MTMR10: variants seen among roughly 807,000 people sequenced by gnomAD.
MTMR10 encodes the protein myotubularin related protein 10.
MTMR10 carries 56 observed loss-of-function variants against 88.1 expected under a neutral mutation model. That is an observed-to-expected ratio of 0.64 (90% CI 0.51 to 0.79). The LOEUF is 0.79. Among genes scored for constraint, MTMR10 ranks in the 30% least tolerant of loss-of-function variants. MTMR10 has a pLI of 0.00. For missense variants in MTMR10, 883 were observed against 924.7 expected (o/e 0.95, Z 0.58); for synonymous variants, 380 against 340.9 (o/e 1.11, Z -1.26).
intron 13 of MTMR10, 124 bp downstream of exon 13, chr15:30,948,178 T>G (rs1293552888): frequency 1.2e-6 from 1 of 847,020 alleles, no homozygotes; most frequent in African/African-American, 1.7e-5. Context: ...TAGTTAGCTT[T>G]GGACTAAGGA....
the MTMR10 span, among the ~76,000 whole-genome samples, chr15:30,929,842 A>G: frequency 1.2e-5 from 1 of 84,414 alleles, no homozygotes; most frequent in African/African-American, 6.1e-5. Flanking sequence ...AATATAATAT[A>G]TAAAATATAT....
the MTMR10 span, chr15:30,928,812 T>G: frequency 3.1e-6 from 3 of 981,606 alleles, no homozygotes; most frequent in Non-Finnish European, 3.6e-6. Flanking sequence ...TTTAAAAATC[T>G]GAGTAATAGA....
At chr15:30,971,155 C>G (rs1414553541) in intron 5 of MTMR10, among the ~76,000 whole-genome samples, 1 of 152,094 alleles carries the variant, frequency 6.6e-6, no homozygotes, top group Non-Finnish European at 1.5e-5. Context: ...ACCTTTCATC[C>G]TAAGAGTTTT....
intron 2 of MTMR10, among the ~76,000 whole-genome samples, chr15:30,985,198 A>C (rs944242271): frequency 1.3e-5 from 2 of 152,206 alleles, no homozygotes; most frequent in African/African-American, 4.8e-5. Flanking sequence ...CTGGCATTTC[A>C]CCAGACTGTG....
intron 2 of MTMR10, among the ~76,000 whole-genome samples, chr15:30,990,472 C>G (rs1272963452): frequency 6.6e-6 from 1 of 152,184 alleles, no homozygotes; most frequent in Non-Finnish European, 1.5e-5. Flanking sequence ...TCTTTTTATA[C>G]TATCAAAATG....
rs544242038 is a variant in MTMR10, at chr15:30,943,360, C to T, written c.1549-288G>A. 8.7e-5 allele frequency: 86 copies of T among 985,162 alleles called. No homozygotes were observed. The Middle Eastern group carries it at 1.6e-3, about 18-fold the overall frequency. The allele number at this position is 985,162 out of a possible 1,614,324, so 61.0% of individuals were successfully genotyped here. A position where few individuals can be genotyped will look rare whatever the true frequency, so the allele number is the denominator to read the frequency against. The stretch of plus-strand genomic sequence containing the variant: ...AAGAATGTTATTAAGAGAAGTTTCA[C>T]TAACATGATACTAGAAAGTCTTAAA... On this transcript the variant is annotated intron_variant, in intron 14 of 15. Coordinates refer to ENST00000435680, the MANE Select transcript of MTMR10 (RefSeq NM_017762.3).
In MTMR10 at chr15:30,941,483, G is replaced by A. The variant is rs1566942006; in HGVS notation, c.2321C>T (p.Ala774Val). Reference protein sequence around the residue: ...AKIWLSTETLANED With the variant: ...AKIWLSTETLVNED The stretch of plus-strand genomic sequence containing the variant: ...AAACACCCTATTTTAGTCTTCATTT[G>A]CTAATGTCTCAGTAGACAACCATAT... Residue 774 changes from alanine (A) to valine (V), a missense_variant, in exon 16 of 16, where the codon GCA becomes GTA. Ala to Val is a moderately conservative substitution (Grantham distance 64). Around this residue, in one of 3 missense-constraint regions of MTMR10, gnomAD observed 343 missense variants for 323.2 expected, o/e 1.06. Transcript: ENST00000435680. 2 of 1,605,862 alleles carry A rather than the reference G, an allele frequency of 1.2e-6. No homozygotes were observed. The highest frequency in any genetic ancestry group is 1.3e-5 in the African/African-American group (1 of 74,704).
rs1007057859 is a variant in MTMR10 at position 30,940,651 on chromosome 15, C to T, written c.*819G>A. ...AGCATACACCTCTGTGGAATCAGCA[C>T]CCCAGAGGCCACTCCCCAGTGGCTT... On this transcript the variant is annotated 3_prime_UTR_variant, in exon 16 of 16. Transcript: ENST00000435680. 6 of 986,316 alleles carry T rather than the reference C, an allele frequency of 6.1e-6. No individual in the cohort carries two copies. In the East Asian group the frequency reaches 6.8e-4, roughly 111 times the overall value. 61.1% of individuals were successfully genotyped at this position (986,316 alleles called of 1,614,324 possible).
chr15:30,989,987 T>G (rs2031203833), intron 2 of MTMR10, among the ~76,000 whole-genome samples: 1 of 152,204 alleles, frequency 6.6e-6, no homozygotes, highest in Non-Finnish European at 1.5e-5. Flanking sequence ...TGTTATACAA[T>G]TCAAAATACC....
At position 30,974,412 on chromosome 15, in the gene MTMR10, T is replaced by G. The variant is rs1364170951; in HGVS notation, c.376A>C (p.Lys126Gln). 3 of 1,606,250 alleles carry G rather than the reference T, an allele frequency of 1.9e-6. No individual in the cohort carries two copies. The highest frequency in any genetic ancestry group is 2.7e-5 in the African/African-American group (2 of 74,732). ...RKQKVLGPNQ[K>Q]LKFNPTELII... ...AACTCTGTTGGATTAAATTTCAGTT[T>G]CTGGTTGGGGCCTAGGACTTTCTGC... Residue 126 changes from lysine to glutamine, a missense_variant, in exon 5 of 16, where the codon AAA becomes CAA. This residue lies in a region of MTMR10 where 414 missense variants were observed against 423.2 expected (regional missense o/e 0.98). Coordinates refer to ENST00000435680, the MANE Select transcript of MTMR10 (RefSeq NM_017762.3).
chr15:30,932,703 ATTTG>A, the MTMR10 span, among the ~76,000 whole-genome samples: 2 of 139,974 alleles, frequency 1.4e-5, no homozygotes, highest in Non-Finnish European at 1.5e-5. Context: ...AGTTGTTTAT[ATTTG>A]TTTCTTTTCT....
rs185446128 is a variant in MTMR10 at position 30,982,574 on chromosome 15, T to C, written c.122-5619A>G. ...CGCCACACAGCCTTTTCTTACAGAA[T>C]GGAAATGAGCCCTTGGAAGAGAGCA... is the stretch of plus-strand genomic sequence containing the variant. On this transcript the variant is annotated intron_variant, in intron 2 of 15. Coordinates refer to ENST00000435680, the MANE Select transcript of MTMR10 (RefSeq NM_017762.3). 2.4e-4 allele frequency among the ~76,000 whole-genome samples: 37 copies of C among 152,044 alleles called. No individual in the cohort carries two copies. The East Asian group carries it at 5.2e-3, about 21-fold the overall frequency.
At chr15:30,928,552 G>C in the MTMR10 span, 1 of 1,592,174 alleles carries the variant, frequency 6.3e-7, no homozygotes, top group Non-Finnish European at 8.6e-7. Context: ...CCTTGTCTTA[G>C]GGATTCATGG....
the MTMR10 span, chr15:30,928,603 T>A: frequency 1.9e-6 from 3 of 1,613,094 alleles, no homozygotes; most frequent in African/African-American, 4.0e-5. Context: ...CCTCCTCCTG[T>A]GGGACATCAT....
At chr15:30,966,746 A>C (rs2141033758) in intron 6 of MTMR10, among the ~76,000 whole-genome samples, 1 of 152,292 alleles carries the variant, frequency 6.6e-6, no homozygotes, top group East Asian at 1.9e-4. Context: ...TATATCGATA[A>C]GAAAAATTAA....
intron 9 of MTMR10, among the ~76,000 whole-genome samples, chr15:30,955,684 A>T (rs1454337379): frequency 1.3e-5 from 2 of 151,956 alleles, no homozygotes; most frequent in African/African-American, 2.4e-5. Flanking sequence ...GATTAAGGAG[A>T]CCCTACACTC....
Position 30,939,403 on chromosome 15 carries a change from A to G in MTMR10, c.*2067T>C. On this transcript the variant is annotated 3_prime_UTR_variant, in exon 16 of 16. Coordinates refer to ENST00000435680, the MANE Select transcript of MTMR10 (RefSeq NM_017762.3). ...GCAGCCACACCACTGCTGTCACCACATGTCCCTCTGACGGCAGAGGTGGTA... is the reference window on the plus strand; with the variant it reads ...GCAGCCACACCACTGCTGTCACCACGTGTCCCTCTGACGGCAGAGGTGGTA... 1 of 985,456 alleles carries G rather than the reference A, an allele frequency of 1.0e-6. No individual in the cohort carries two copies. Among genetic ancestry groups the G allele is most frequent in the South Asian group, 4.7e-5 (1 of 21,290 alleles). 61.0% of individuals were successfully genotyped at this position (985,456 alleles called of 1,614,324 possible).
At position 30,941,719 on chromosome 15, in the gene MTMR10, C is replaced by T. The variant is rs756234482; in HGVS notation, c.2085G>A (p.Met695Ile). The T allele has an allele frequency of 1.9e-6, 3 of 1,613,952 alleles. No individual in the cohort carries two copies. Among genetic ancestry groups the T allele is most frequent in the Non-Finnish European group, 2.5e-6 (3 of 1,179,860 alleles). Residue 695 changes from methionine (M) to isoleucine (I), a missense_variant, in exon 16 of 16, where the codon ATG (methionine) becomes ATA (isoleucine). Physicochemically the swap from Met to Ile is conservative, Grantham distance 10. Around this residue, in one of 3 missense-constraint regions of MTMR10, gnomAD observed 343 missense variants for 323.2 expected, o/e 1.06. Transcript: ENST00000435680. The part of the protein sequence containing the change: ...LADEVDVLSR[M>I]LRQQRSGPLE... ...GGGGGCCACTGCGCTGTTGCCGCAG[C>T]ATCCTGCTCAGTACGTCGACTTCAT...
In MTMR10 at chr15:30,958,986, AG is replaced by A. The variant is rs770798573; in HGVS notation, c.847-36del. On this transcript the variant is annotated intron_variant, in intron 8 of 15. Transcript: ENST00000435680. The stretch of plus-strand genomic sequence containing the variant: ...AGGTAGAATCCTTACTTCACTGTGT[AG>A]AAACAATGGACGTCAGCATTCATAA... 6 of 1,613,650 alleles carry A rather than the reference AG, an allele frequency of 3.7e-6. No homozygotes were observed. In the East Asian group the frequency reaches 1.3e-4, roughly 36 times the overall value.
Sources: allele counts gnomAD v4.1 joint callset (sites outside exome capture counted in the v4.1 genomes callset), GRCh38; gene constraint gnomAD v4.1.1; regional missense constraint gnomAD v4.1.1; transcripts MANE v1.5; gene names NCBI Gene and HGNC (gene_info 2026-07-23, HGNC 2026-07-21).